The following SPIRE1 variants were observed in gnomAD, a reference collection of about 807,000 sequenced individuals.
SPIRE1 encodes the protein protein spire homolog 1.
Under a neutral mutation model 94.1 loss-of-function variants are expected in SPIRE1, and 40 were observed. The ratio of observed to expected loss-of-function variants is 0.43; its 90% CI spans 0.33 to 0.55. SPIRE1 has a LOEUF of 0.55. SPIRE1 is among the 20% of genes least tolerant of loss of function. The pLI, the probability that SPIRE1 is intolerant of heterozygous loss-of-function variation, is 0.06. For synonymous variants in SPIRE1, 376 were observed against 371.7 expected, an observed-to-expected ratio of 1.01 and a Z score of -0.13; for missense variants, 838 against 975.2, an observed-to-expected ratio of 0.86 and a Z score of 1.87.
intron 12 of SPIRE1, chr18:12,459,787 T>C: frequency 2.0e-6 from 2 of 985,884 alleles, no homozygotes; most frequent in Non-Finnish European, 2.4e-6. Context: ...GTAAAAGCTC[T>C]CTCACACAGA....
chr18:12,595,988 T>G (rs1268754894), intron 2 of SPIRE1, among the ~76,000 whole-genome samples: 1 of 152,228 alleles, frequency 6.6e-6, no homozygotes, highest in Non-Finnish European at 1.5e-5. Flanking sequence ...AGATTTACAA[T>G]GCAGTATTGA....
intron 4 of SPIRE1, among the ~76,000 whole-genome samples, chr18:12,521,564 C>A (rs2034359724): frequency 6.6e-6 from 1 of 152,042 alleles, no homozygotes; most frequent in Non-Finnish European, 1.5e-5. Flanking sequence ...GAACTCCCGA[C>A]CTCAAGTGAT....
At chr18:12,494,567 C>A (rs910052826) in intron 7 of SPIRE1, among the ~76,000 whole-genome samples, 1 of 151,868 alleles carries the variant, frequency 6.6e-6, no homozygotes, top group Non-Finnish European at 1.5e-5. Context: ...CGGTGGCTCA[C>A]GCCTGTAATC....
Position 12,657,532 on chromosome 18 carries a change from G to C in SPIRE1, c.335C>G (p.Ala112Gly). ...ADDAGEPPPV[A>G]GKLGYSQCME... is the part of the protein sequence containing the mutation. ...GGAAAGGGGCCCGGCGGCCTCACCCGCAACTGGGGGCGGCTCTCCCGCGTC... is the reference window on the plus strand; with the variant it reads ...GGAAAGGGGCCCGGCGGCCTCACCCCCAACTGGGGGCGGCTCTCCCGCGTC... Residue 112 changes from alanine to glycine, a missense_variant and splice_region_variant, in exon 1 of 17, where the codon GCG (alanine) becomes GGG (glycine). Coordinates refer to ENST00000409402, the MANE Select transcript of SPIRE1 (RefSeq NM_001128626.2). The C allele has an allele frequency of 8.1e-7, 1 of 1,231,840 alleles. No homozygotes were observed. Among genetic ancestry groups the C allele is most frequent in the Non-Finnish European group, 1.0e-6 (1 of 987,388 alleles). 76.3% of individuals were successfully genotyped at this position (1,231,840 alleles called of 1,614,324 possible). A position where few individuals can be genotyped will look rare whatever the true frequency, so the allele number is the denominator to read the frequency against.
At chr18:12,468,015 T>C (rs1343292039) in intron 10 of SPIRE1, among the ~76,000 whole-genome samples, 1 of 152,184 alleles carries the variant, frequency 6.6e-6, no homozygotes, top group African/African-American at 2.4e-5. Context: ...TTGTTAGTGT[T>C]AAGGGAGAAT....
intron 4 of SPIRE1, among the ~76,000 whole-genome samples, chr18:12,512,831 A>G (rs1242970218): frequency 7.0e-6 from 1 of 143,492 alleles, no homozygotes; most frequent in African/African-American, 2.6e-5. Flanking sequence ...CTACAAATCC[A>G]TTACTCTAAA....
At chr18:12,494,829 A>G (rs866879535) in intron 7 of SPIRE1, among the ~76,000 whole-genome samples, 2 of 93,958 alleles carry the variant, frequency 2.1e-5, no homozygotes, top group African/African-American at 9.3e-5. Context: ...ACAGAGTGAG[A>G]CTCCATCTCA....
intron 2 of SPIRE1, among the ~76,000 whole-genome samples, chr18:12,623,027 T>C (rs964767398): frequency 1.3e-5 from 2 of 152,226 alleles, no homozygotes; most frequent in African/African-American, 4.8e-5. Flanking sequence ...TGTGTCAATA[T>C]TGTTATGTAC....
At chr18:12,644,660 A>G (rs916360527) in intron 1 of SPIRE1, among the ~76,000 whole-genome samples, 1 of 152,214 alleles carries the variant, frequency 6.6e-6, no homozygotes, top group African/African-American at 2.4e-5. Flanking sequence ...AAGGCAACAA[A>G]GGTCTAATCA....
At chr18:12,540,568 G>A (rs2034986546) in intron 3 of SPIRE1, among the ~76,000 whole-genome samples, 1 of 152,166 alleles carries the variant, frequency 6.6e-6, no homozygotes, top group Non-Finnish European at 1.5e-5. Context: ...TAGAGACGGA[G>A]TTTCACCATG....
At chr18:12,590,099 T>G (rs2036489808) in intron 2 of SPIRE1, among the ~76,000 whole-genome samples, 2 of 149,720 alleles carry the variant, frequency 1.3e-5, no homozygotes, top group South Asian at 4.2e-4. Flanking sequence ...TCTTTTTTTT[T>G]TTTTTGAGAC....
At chr18:12,533,415 T>C (rs2034746055) in intron 4 of SPIRE1, among the ~76,000 whole-genome samples, 3 of 152,146 alleles carry the variant, frequency 2.0e-5, no homozygotes, top group Admixed American at 2.0e-4. Flanking sequence ...AGCAAAAAAT[T>C]TTTTTTTACA....
At chr18:12,516,597 C>T (rs181007422) in intron 4 of SPIRE1, among the ~76,000 whole-genome samples, 3 of 152,256 alleles carry the variant, frequency 2.0e-5, no homozygotes, top group African/African-American at 7.2e-5. Context: ...CCCTACTCTG[C>T]CCATGCTTAT....
chr18:12,598,441 CCACTGTTTA>C (rs1290753809), intron 2 of SPIRE1, among the ~76,000 whole-genome samples: 3 of 152,092 alleles, frequency 2.0e-5, no homozygotes, highest in African/African-American at 7.2e-5. Flanking sequence ...TTAGCATATG[CCACTGTTTA>C]CACTGTTTTT....
intron 10 of SPIRE1, among the ~76,000 whole-genome samples, chr18:12,470,220 T>C (rs2032297485): frequency 6.6e-6 from 1 of 152,148 alleles, no homozygotes; most frequent in African/African-American, 2.4e-5. Flanking sequence ...AGTACTAGGA[T>C]TACAGGCATA....
Position 12,482,967 on chromosome 18 carries a change from G to T in SPIRE1, c.1231+2992C>A, listed in dbSNP as rs183790475. 3.1e-3 allele frequency among the ~76,000 whole-genome samples: 459 copies of T among 149,140 alleles called. 2 individuals carry two copies. Among genetic ancestry groups the T allele is most frequent in the African/African-American group, 0.011 (426 of 40,340 alleles). On this transcript the variant is annotated intron_variant, in intron 9 of 16. Coordinates refer to ENST00000409402, the MANE Select transcript of SPIRE1 (RefSeq NM_001128626.2). ...TTTTTTTTTTTTTTTTTGAGACAGG[G>T]TCTCATTCTGTTGCGCAGGTTGGGG...
In SPIRE1 at chr18:12,657,522, G is replaced by GGCCTCACCCGCAACTGGGGGC; in HGVS notation, c.324_337+7dup. On this transcript the variant is annotated splice_region_variant and intron_variant, in intron 1 of 16. Coordinates refer to ENST00000409402, the MANE Select transcript of SPIRE1 (RefSeq NM_001128626.2). ...GAACTACGAGGGAAAGGGGCCCGGC[G>GGCCTCACCCGCAACTGGGGGC]GCCTCACCCGCAACTGGGGGCGGCT... 1 of 1,230,644 alleles carries GGCCTCACCCGCAACTGGGGGC rather than the reference G, an allele frequency of 8.1e-7. No homozygotes were observed. Among genetic ancestry groups the GGCCTCACCCGCAACTGGGGGC allele is most frequent in the Non-Finnish European group, 1.0e-6 (1 of 986,522 alleles). 76.2% of individuals were successfully genotyped at this position (1,230,644 alleles called of 1,614,324 possible). A position where few individuals can be genotyped will look rare whatever the true frequency, so the allele number is the denominator to read the frequency against.
intron 2 of SPIRE1, among the ~76,000 whole-genome samples, chr18:12,598,730 T>C (rs1023162334): frequency 6.6e-6 from 1 of 152,050 alleles, no homozygotes; most frequent in Non-Finnish European, 1.5e-5. Flanking sequence ...CAAGAGGAAG[T>C]GGCTGCTGGA....
chr18:12,512,948 A>C (rs192112893), intron 4 of SPIRE1, among the ~76,000 whole-genome samples: 40 of 151,896 alleles, frequency 2.6e-4, no homozygotes, highest in African/African-American at 8.9e-4. Flanking sequence ...TCTTCCTTTC[A>C]GATATCACAC....
Sources: allele counts gnomAD v4.1 joint callset (sites outside exome capture counted in the v4.1 genomes callset), GRCh38; gene constraint gnomAD v4.1.1; transcripts MANE v1.5; gene names NCBI Gene and HGNC (gene_info 2026-07-23, HGNC 2026-07-21).